Variants in AGFG1 observed in about 807,000 individuals in gnomAD.
AGFG1 encodes the protein ArfGAP with FG repeats 1, also known as arf-GAP domain and FG repeat-containing protein 1.
A neutral mutation model predicts 60.6 loss-of-function variants in AGFG1; 10 were observed. That is an observed-to-expected ratio of 0.16 (90% CI 0.10 to 0.28). The LOEUF is 0.28. Ranked by LOEUF, AGFG1 falls within the 10% of genes least tolerant of loss-of-function variation. The pLI, the probability that AGFG1 is intolerant of heterozygous loss-of-function variation, is 1.00. For missense variants in AGFG1, 537 were observed against 676.5 expected, an observed-to-expected ratio of 0.79 and a Z score of 2.29; for synonymous variants, 247 against 242.9, an observed-to-expected ratio of 1.02 and a Z score of -0.16.
chr2:227,534,810 A>C (rs1373263102), intron 7 of AGFG1, 35 bp from the exon 8 acceptor site: 2 of 1,601,668 alleles, frequency 1.2e-6, no homozygotes, highest in South Asian at 2.2e-5. Flanking sequence ...TGTAACTTTA[A>C]ATTTTTGGTG....
At chr2:227,532,950 A>G (rs1692205218) in intron 6 of AGFG1, among the ~76,000 whole-genome samples, 1 of 152,170 alleles carries the variant, frequency 6.6e-6, no homozygotes, top group Non-Finnish European at 1.5e-5. Flanking sequence ...GCCTTGAACT[A>G]TATGGTACGG....
At position 227,533,765 on chromosome 2, in the gene AGFG1, A is replaced by C. The variant is rs747896217; in HGVS notation, c.1024+7A>C. ...ATCTTCAGTGCCGGGCAAGGTATCAAGCTTTAAGCAAAACAAATACAAATT... is the reference window on the plus strand; with the variant it reads ...ATCTTCAGTGCCGGGCAAGGTATCACGCTTTAAGCAAAACAAATACAAATT... On this transcript the variant is annotated splice_region_variant and intron_variant, in intron 7 of 12. Coordinates refer to ENST00000310078, the MANE Select transcript of AGFG1 (RefSeq NM_004504.5). The C allele has an allele frequency of 3.1e-6, 5 of 1,610,008 alleles. No individual in the cohort carries two copies. The highest frequency in any genetic ancestry group is 3.4e-6 in the Non-Finnish European group (4 of 1,177,324).
chr2:227,539,212 G>T (rs1030994701), intron 10 of AGFG1, among the ~76,000 whole-genome samples: 1 of 152,174 alleles, frequency 6.6e-6, no homozygotes, highest in Non-Finnish European at 1.5e-5. Context: ...GGAGGCCAAG[G>T]CGGGTGGATC....
In AGFG1 at chr2:227,556,787, G is replaced by GCT. The variant is rs1022303911; in HGVS notation, c.*2293_*2294dup. 6.6e-6 allele frequency: 1 copy of GCT among 152,186 alleles called. No individual in the cohort carries two copies. Among genetic ancestry groups the GCT allele is most frequent in the Non-Finnish European group, 1.5e-5 (1 of 68,036 alleles). The allele number at this position is 152,186 out of a possible 1,614,324, so 9.4% of individuals were successfully genotyped here. A position where few individuals can be genotyped will look rare whatever the true frequency, so the allele number is the denominator to read the frequency against. On this transcript the variant is annotated 3_prime_UTR_variant, in exon 13 of 13. Coordinates refer to ENST00000310078, the MANE Select transcript of AGFG1 (RefSeq NM_004504.5). ...ATGTTTAGTTCAAGAAGAGACCCAA[G>GCT]CTGGGTATGGTGGTGTGAGAGCCTG... is the stretch of plus-strand genomic sequence containing the variant.
chr2:227,484,842 T>C (rs1326586711), intron 1 of AGFG1, among the ~76,000 whole-genome samples: 1 of 151,836 alleles, frequency 6.6e-6, no homozygotes, highest in Non-Finnish European at 1.5e-5. Flanking sequence ...TAGCTGGGAT[T>C]ACAAGTGTGC....
chr2:227,523,158 A>G (rs1325330651), intron 3 of AGFG1, among the ~76,000 whole-genome samples: 2 of 152,208 alleles, frequency 1.3e-5, no homozygotes, highest in Admixed American at 6.5e-5. Flanking sequence ...GTAGGTAGCA[A>G]TAAAAAATTG....
intron 10 of AGFG1, among the ~76,000 whole-genome samples, chr2:227,537,936 T>TCCTA (rs2106226422): frequency 6.6e-6 from 1 of 152,316 alleles, no homozygotes; most frequent in East Asian, 1.9e-4. Flanking sequence ...GAGTTTGAGC[T>TCCTA]GTAACTATTT....
chr2:227,500,588 C>G (rs1277532655), intron 2 of AGFG1, among the ~76,000 whole-genome samples: 1 of 152,150 alleles, frequency 6.6e-6, no homozygotes, highest in African/African-American at 2.4e-5. Flanking sequence ...CCTCCTCCAA[C>G]ATTATTATGG....
rs368083055 is a variant in AGFG1, at chr2:227,521,669, A to G, written c.377+1606A>G. ...TTGTTTTCTCAGCCGTGTTACTTTT[A>G]CCAATTCAGAAAGTGAGTTTGGTTA... is the stretch of plus-strand genomic sequence containing the variant. On this transcript the variant is annotated intron_variant, in intron 3 of 12. Coordinates refer to ENST00000310078, the MANE Select transcript of AGFG1 (RefSeq NM_004504.5). 3.2e-4 allele frequency among the ~76,000 whole-genome samples: 48 copies of G among 152,288 alleles called. No individual in the cohort carries two copies. The East Asian group carries it at 7.3e-3, about 23-fold the overall frequency.
chr2:227,550,036 G>C, intron 10 of AGFG1: 2 of 435,210 alleles, frequency 4.6e-6, no homozygotes, highest in Non-Finnish European at 9.4e-6. Context: ...ATTGACGTTG[G>C]TCTCTTTATG....
intron 11 of AGFG1, among the ~76,000 whole-genome samples, chr2:227,552,882 TC>T (rs1183488442): frequency 6.6e-6 from 1 of 150,384 alleles, no homozygotes; most frequent in East Asian, 2.0e-4. Context: ...ATGCCTGTAA[TC>T]CCAGCTGTTC....
intron 2 of AGFG1, among the ~76,000 whole-genome samples, chr2:227,501,520 T>C (rs531509939): frequency 6.6e-6 from 1 of 152,364 alleles, no homozygotes; most frequent in South Asian, 2.1e-4. Context: ...TCCAAAGCCC[T>C]ATACAAATAT....
intron 1 of AGFG1, among the ~76,000 whole-genome samples, chr2:227,479,468 T>C (rs1690391210): frequency 6.6e-6 from 1 of 152,224 alleles, no homozygotes; most frequent in Non-Finnish European, 1.5e-5. Flanking sequence ...CTTGCCGACC[T>C]CTGGATCTCA....
chr2:227,495,055 C>A (rs1301069159), intron 2 of AGFG1, among the ~76,000 whole-genome samples: 2 of 152,110 alleles, frequency 1.3e-5, no homozygotes, highest in South Asian at 4.1e-4. Context: ...TGTTTATAGA[C>A]TTCTACAGTG....
intron 1 of AGFG1, among the ~76,000 whole-genome samples, chr2:227,486,611 T>C (rs1394438745): frequency 6.6e-6 from 1 of 152,228 alleles, no homozygotes; most frequent in Admixed American, 6.5e-5. Flanking sequence ...ATTTTAAACA[T>C]GTATGTTTAC....
chr2:227,473,202 A>G (rs530969146), intron 1 of AGFG1, among the ~76,000 whole-genome samples: 2 of 152,146 alleles, frequency 1.3e-5, no homozygotes, highest in Non-Finnish European at 2.9e-5. Context: ...AGCAGGATGA[A>G]AGCATCTTGA....
intron 2 of AGFG1, among the ~76,000 whole-genome samples, chr2:227,516,973 TA>T (rs1691668836): frequency 6.6e-6 from 1 of 152,194 alleles, no homozygotes; most frequent in African/African-American, 2.4e-5. Context: ...TTAAAAATCT[TA>T]AAGAATTACA....
In AGFG1 at chr2:227,554,629, A is replaced by G; in HGVS notation, c.*134A>G. On this transcript the variant is annotated 3_prime_UTR_variant, in exon 13 of 13. Transcript: ENST00000310078. ...AGTCTTTAAAAAGCCTGCATTGTGT[A>G]TTAAACACCAGGTAATATGTGCAAA... is the stretch of plus-strand genomic sequence containing the variant. 1.4e-6 allele frequency: 1 copy of G among 705,906 alleles called. No individual in the cohort carries two copies. Among genetic ancestry groups the G allele is most frequent in the Non-Finnish European group, 2.3e-6 (1 of 435,638 alleles). The allele number at this position is 705,906 out of a possible 1,614,324, so 43.7% of individuals were successfully genotyped here.
At chr2:227,507,602 CAAAAAAAAAAAAA>C (rs1162277041) in intron 2 of AGFG1, among the ~76,000 whole-genome samples, 1 of 61,600 alleles carries the variant, frequency 1.6e-5, no homozygotes, top group Non-Finnish European at 3.0e-5. Context: ...GACTCTGTCT[CAAAAAAAAAAAAA>C]AAAAAAAAAA....
Sources: allele counts gnomAD v4.1 joint callset (sites outside exome capture counted in the v4.1 genomes callset), GRCh38; gene constraint gnomAD v4.1.1; transcripts MANE v1.5; gene names NCBI Gene and HGNC (gene_info 2026-07-23, HGNC 2026-07-21).